MANSC1: variants seen among roughly 807,000 people sequenced by gnomAD.
MANSC1 encodes MANSC domain-containing protein 1.
A neutral mutation model predicts 14.1 loss-of-function variants in MANSC1; 13 were observed. That is an observed-to-expected ratio of 0.92 (90% CI 0.60 to 1.46). The LOEUF is 1.46. MANSC1 is among the 40% of genes most tolerant of loss of function. MANSC1 has a pLI of 0.00. For synonymous variants in MANSC1, 227 were observed against 200.7 expected (o/e 1.13, Z -1.11); for missense variants, 486 against 511.4 (o/e 0.95, Z 0.48).
At chr12:12,342,355 T>C (rs1397308416) in intron 2 of MANSC1, among the ~76,000 whole-genome samples, 1 of 152,204 alleles carries the variant, frequency 6.6e-6, no homozygotes, top group Non-Finnish European at 1.5e-5. Context: ...GTTTTTTTCA[T>C]TTAGAGAACT....
chr12:12,330,572 T>TG lies in MANSC1; in HGVS notation c.750dup (p.Asn251GlnfsTer87). The TG allele has an allele frequency of 6.2e-7, 1 of 1,614,080 alleles. No homozygotes were observed. ...GTCCCAGAAGGTGTCACTGAAGCAT[T>TG]GGTGGGTAGAAGGGTGGCGGGCTTT... On this transcript the variant is annotated frameshift_variant, in exon 4 of 4. Coordinates refer to ENST00000535902, the MANE Select transcript of MANSC1 (RefSeq NM_018050.4). LOFTEE classifies it low-confidence loss of function (END_TRUNC).
intron 1 of MANSC1, among the ~76,000 whole-genome samples, chr12:12,347,780 T>C (rs1212218031): frequency 6.6e-6 from 1 of 152,184 alleles, no homozygotes; most frequent in Non-Finnish European, 1.5e-5. Flanking sequence ...AATTCTCGCC[T>C]GGGCGCGGTG....
rs770577549 is a variant in MANSC1, at chr12:12,330,145, C to A, written c.1178G>T (p.Gly393Val). The A allele has an allele frequency of 1.2e-6, 2 of 1,614,096 alleles. No individual in the cohort carries two copies. The highest frequency in any genetic ancestry group is 1.7e-6 in the Non-Finnish European group (2 of 1,180,026). The change falls in exon 4 of 4, where the codon GGT becomes GTT. Residue 393 changes from glycine (G) to valine (V), a missense_variant. Transcript: ENST00000535902. ...GAGGCCTATCACCAGGAACAGGACA[C>A]CAAAGAGCAGGGACCCGATAAGAAG... ...KWLLIGSLLFGVLFLVIGLVL... is the reference protein window; with the variant it reads ...KWLLIGSLLFVVLFLVIGLVL...
rs967606230 is a variant in MANSC1, at chr12:12,329,262, A to G, written c.*765T>C. The G allele has an allele frequency of 6.6e-6, 1 of 152,174 alleles. No homozygotes were observed. Among genetic ancestry groups the G allele is most frequent in the Admixed American group, 6.5e-5 (1 of 15,276 alleles). 9.4% of individuals were successfully genotyped at this position (152,174 alleles called of 1,614,324 possible). A position where few individuals can be genotyped will look rare whatever the true frequency, so the allele number is the denominator to read the frequency against. On this transcript the variant is annotated 3_prime_UTR_variant, in exon 4 of 4. Coordinates refer to ENST00000535902, the MANE Select transcript of MANSC1 (RefSeq NM_018050.4). The stretch of plus-strand genomic sequence containing the variant: ...TGGACATGCTACTTATGAGAACACT[A>G]CTGAGTAACAAAAGATTTATTCAAA...
chr12:12,335,133 T>C (rs7976154), intron 3 of MANSC1, among the ~76,000 whole-genome samples: 28,837 of 151,814 alleles, frequency 0.19, 2,919 homozygotes, highest in East Asian at 0.29. Flanking sequence ...TTTTTCTGGT[T>C]CCCCAGACCC....
At chr12:12,338,653 C>T (rs1454113835) in intron 2 of MANSC1, 93 bp from the exon 3 acceptor site, 9 of 1,131,844 alleles carry the variant, frequency 8.0e-6, no homozygotes, top group Non-Finnish European at 1.2e-5. Flanking sequence ...TGGAGTCCAA[C>T]ACAAACACCT....
chr12:12,332,063 C>G (rs1862798245), intron 3 of MANSC1, among the ~76,000 whole-genome samples: 1 of 152,158 alleles, frequency 6.6e-6, no homozygotes, highest in Non-Finnish European at 1.5e-5. Flanking sequence ...ATCACACACC[C>G]CATTTATCAC....
intron 3 of MANSC1, among the ~76,000 whole-genome samples, chr12:12,336,544 A>G (rs755209607): frequency 6.6e-5 from 10 of 151,332 alleles, no homozygotes; most frequent in Non-Finnish European, 1.3e-4. Flanking sequence ...TTTTTTTTTT[A>G]GAGATAGTAT....
rs377422017 is a variant in MANSC1 at position 12,330,443 on chromosome 12, G to A, written c.880C>T (p.Leu294Phe). The A allele has an allele frequency of 5.0e-6, 8 of 1,614,108 alleles. No individual in the cohort carries two copies. The African/African-American group carries it at 9.3e-5, about 19-fold the overall frequency. Residue 294 changes from leucine (L) to phenylalanine (F), a missense_variant, in exon 4 of 4, where the codon CTC becomes TTC. Transcript: ENST00000535902. ...STVFTRAAATLQAMATTAVLT... is the reference protein window; with the variant it reads ...STVFTRAAATFQAMATTAVLT... ...ACTGCTGTTGTAGCCATTGCTTGGA[G>A]TGTAGCCGCAGCCCGTGTAAAAACT...
rs1174788972 is a variant in MANSC1 at position 12,330,161 on chromosome 12, C to G, written c.1162G>C (p.Gly388Arg). 2 of 1,614,110 alleles carry G rather than the reference C, an allele frequency of 1.2e-6. No homozygotes were observed. The highest frequency in any genetic ancestry group is 8.5e-7 in the Non-Finnish European group (1 of 1,180,032). ...AACAGGACACCAAAGAGCAGGGACC[C>G]GATAAGAAGCCATTTTTCAAATGGA... The part of the protein sequence containing the change: ...GLPFEKWLLI[G>R]SLLFGVLFLV... The change falls in exon 4 of 4, where the codon GGG (glycine) becomes CGG (arginine). Residue 388 changes from glycine to arginine, a missense_variant. By Grantham distance (125) the Gly-to-Arg change is moderately radical (BLOSUM62 -2). Coordinates refer to ENST00000535902, the MANE Select transcript of MANSC1 (RefSeq NM_018050.4).
At chr12:12,344,076 G>A (rs1462045549) in intron 1 of MANSC1, among the ~76,000 whole-genome samples, 1 of 151,996 alleles carries the variant, frequency 6.6e-6, no homozygotes, top group Non-Finnish European at 1.5e-5. Context: ...TTACACCACT[G>A]CACTCCAGCC....
At chr12:12,345,975 A>C (rs1380787295) in intron 1 of MANSC1, among the ~76,000 whole-genome samples, 1 of 152,188 alleles carries the variant, frequency 6.6e-6, no homozygotes, top group East Asian at 1.9e-4. Context: ...TATTTTGTTA[A>C]CATATCAGTG....
At chr12:12,337,755 C>G (rs778498655) in intron 3 of MANSC1, among the ~76,000 whole-genome samples, 11 of 152,214 alleles carry the variant, frequency 7.2e-5, no homozygotes, top group Non-Finnish European at 1.5e-4. Context: ...GAAAAATTAA[C>G]AAGCCAAAGT....
At position 12,332,144 on chromosome 12, in the gene MANSC1, T is replaced by C. The variant is rs573909367; in HGVS notation, c.365-1186A>G. On this transcript the variant is annotated intron_variant, in intron 3 of 3. Coordinates refer to ENST00000535902, the MANE Select transcript of MANSC1 (RefSeq NM_018050.4). Reference sequence around the variant, plus strand: ...GACCAGGTGAATTGCCATGTATCACTCTGCTGCTAGGCTAACCATCTCACA... The same window carrying C: ...GACCAGGTGAATTGCCATGTATCACCCTGCTGCTAGGCTAACCATCTCACA... Among the ~76,000 whole-genome samples, 15 of 152,308 alleles carry C rather than the reference T, an allele frequency of 9.8e-5. No homozygotes were observed. The South Asian group carries it at 3.1e-3, about 32-fold the overall frequency.
intron 1 of MANSC1, among the ~76,000 whole-genome samples, chr12:12,347,940 G>A (rs1036941375): frequency 4.6e-5 from 7 of 152,136 alleles, no homozygotes; most frequent in African/African-American, 1.7e-4. Flanking sequence ...GCAGGTGCCT[G>A]TAATCCCAGC....
rs529173819 is a variant in MANSC1, at chr12:12,339,431, T to C, written c.224-871A>G. 1.4e-4 allele frequency among the ~76,000 whole-genome samples: 21 copies of C among 152,028 alleles called. 1 individual carries two copies. The highest frequency in any genetic ancestry group is 4.1e-4 in the African/African-American group (17 of 41,478). On this transcript the variant is annotated intron_variant, in intron 2 of 3. Transcript: ENST00000535902. ...ACAGATGCAAGCCACCACACTCGGA[T>C]TTTTTTTGGTATTTTTTGTAGAGAT...
intron 3 of MANSC1, among the ~76,000 whole-genome samples, chr12:12,334,420 A>G (rs1258072435): frequency 6.6e-6 from 1 of 152,226 alleles, no homozygotes; most frequent in African/African-American, 2.4e-5. Flanking sequence ...TAATGGGGTA[A>G]TATGAATTCA....
At chr12:12,331,278 T>C (rs1862786565) in intron 3 of MANSC1, among the ~76,000 whole-genome samples, 1 of 152,190 alleles carries the variant, frequency 6.6e-6, no homozygotes. Context: ...TAACGCCGCC[T>C]CTCTACCAGA....
chr12:12,332,983 T>C (rs923191110), intron 3 of MANSC1, among the ~76,000 whole-genome samples: 1 of 152,142 alleles, frequency 6.6e-6, no homozygotes, highest in Admixed American at 6.5e-5. Context: ...GGTGGACATC[T>C]GCTCTAGGAT....
Sources: allele counts gnomAD v4.1 joint callset (sites outside exome capture counted in the v4.1 genomes callset), GRCh38; gene constraint gnomAD v4.1.1; transcripts MANE v1.5; gene names NCBI Gene and HGNC (gene_info 2026-07-23, HGNC 2026-07-21).